The following TBXAS1 variants were observed in gnomAD, a reference collection of about 807,000 sequenced individuals.
TBXAS1 encodes the protein thromboxane-A synthase.
TBXAS1 carries 48 observed loss-of-function variants against 60.7 expected under a neutral mutation model. The observed-to-expected ratio is 0.79, with a 90% confidence interval of 0.63 to 1.01. The LOEUF (loss-of-function observed/expected upper bound fraction) is 1.01. Among genes scored for constraint, TBXAS1 ranks in the 50% least tolerant of loss-of-function variants. The pLI, the probability that TBXAS1 is intolerant of heterozygous loss-of-function variation, is 0.00. For missense variants in TBXAS1, 685 were observed against 686.3 expected (o/e 1.00, Z 0.02); for synonymous variants, 287 against 269.7 (o/e 1.06, Z -0.63).
chr7:139,906,593 A>G (rs1267649457), intron 3 of TBXAS1, among the ~76,000 whole-genome samples: 1 of 152,090 alleles, frequency 6.6e-6, no homozygotes, highest in Non-Finnish European at 1.5e-5. Context: ...AAATTGATTT[A>G]GTTATTTTAA....
intron 1 of TBXAS1, among the ~76,000 whole-genome samples, chr7:139,830,192 G>C (rs1021209732): frequency 2.0e-5 from 3 of 152,170 alleles, no homozygotes; most frequent in African/African-American, 4.8e-5. Context: ...TATTCGCCCT[G>C]TCAGTTAAAC....
At chr7:139,977,760 C>G (rs1471325738) in intron 9 of TBXAS1, among the ~76,000 whole-genome samples, 2 of 152,032 alleles carry the variant, frequency 1.3e-5, no homozygotes, top group Admixed American at 6.5e-5. Flanking sequence ...ATTTGTAGAC[C>G]TGAAAGATGC....
intron 3 of TBXAS1, among the ~76,000 whole-genome samples, chr7:139,901,651 A>T (rs1205811256): frequency 1.3e-5 from 2 of 151,920 alleles, no homozygotes; most frequent in East Asian, 1.9e-4. Context: ...TTAAAATAGG[A>T]GGTGCTTGGG....
chr7:139,974,299 T>TCA, intron 9 of TBXAS1, among the ~76,000 whole-genome samples: 1 of 152,320 alleles, frequency 6.6e-6, no homozygotes, highest in African/African-American at 2.4e-5. Context: ...AAGGCAGTTC[T>TCA]CACCCCTCAC....
At chr7:139,855,404 G>A (rs947322600) in intron 1 of TBXAS1, among the ~76,000 whole-genome samples, 1 of 152,082 alleles carries the variant, frequency 6.6e-6, no homozygotes, top group Non-Finnish European at 1.5e-5. Flanking sequence ...GTTGAAGCCT[G>A]AAGTGTGACT....
intron 1 of TBXAS1, among the ~76,000 whole-genome samples, chr7:139,835,681 G>A (rs1799011426): frequency 1.3e-5 from 2 of 152,056 alleles, no homozygotes; most frequent in African/African-American, 4.8e-5. Flanking sequence ...ATACTGAATG[G>A]GGAAAAGTTG....
intron 1 of TBXAS1, among the ~76,000 whole-genome samples, chr7:139,779,015 A>G (rs1467048522): frequency 1.3e-5 from 2 of 152,188 alleles, no homozygotes; most frequent in African/African-American, 4.8e-5. Flanking sequence ...AATAGAAAAT[A>G]TTAGAGTCCA....
intron 8 of TBXAS1, among the ~76,000 whole-genome samples, chr7:139,959,186 A>C (rs77900743): frequency 0.013 from 2,042 of 152,326 alleles, 48 homozygotes; most frequent in African/African-American, 0.047. Context: ...TATTTGTTTC[A>C]AACAATGAGT....
At chr7:139,894,281 T>A (rs1584787879) in intron 3 of TBXAS1, among the ~76,000 whole-genome samples, 2 of 152,076 alleles carry the variant, frequency 1.3e-5, no homozygotes, top group South Asian at 4.1e-4. Context: ...GTGGCTGGGT[T>A]GGGGTGGTTA....
intron 4 of TBXAS1, among the ~76,000 whole-genome samples, chr7:139,794,055 A>T (rs1044743347): frequency 1.3e-5 from 2 of 151,510 alleles, no homozygotes; most frequent in Non-Finnish European, 2.9e-5. Context: ...GTGCACGTGC[A>T]TGTATATGTG....
chr7:139,853,063 T>G (rs1168919136), intron 1 of TBXAS1, among the ~76,000 whole-genome samples: 1 of 151,984 alleles, frequency 6.6e-6, no homozygotes, highest in Non-Finnish European at 1.5e-5. Flanking sequence ...AGCTGACCCC[T>G]CTGGGCTCAA....
intron 4 of TBXAS1, among the ~76,000 whole-genome samples, chr7:139,926,730 AT>A (rs561388933): frequency 3.4e-5 from 5 of 147,814 alleles, no homozygotes; most frequent in Admixed American, 6.7e-5. Context: ...GTTTATTTGA[AT>A]TTTTTCTACT....
At chr7:139,953,305 G>A (rs1219875953) in intron 5 of TBXAS1, 63 bp from the exon 6 acceptor site, 5 of 1,387,842 alleles carry the variant, frequency 3.6e-6, no homozygotes, top group Non-Finnish European at 4.1e-6. Flanking sequence ...CTCTTCATCT[G>A]CAGCCAATTT....
chr7:139,935,863 T>C (rs1807717585), intron 4 of TBXAS1, among the ~76,000 whole-genome samples: 2 of 152,182 alleles, frequency 1.3e-5, no homozygotes, highest in Non-Finnish European at 2.9e-5. Context: ...GAAGCCTTCC[T>C]TGTTTGTCTT....
At chr7:139,804,880 A>G (rs1277290425) in intron 4 of TBXAS1, among the ~76,000 whole-genome samples, 1 of 152,236 alleles carries the variant, frequency 6.6e-6, no homozygotes, top group Non-Finnish European at 1.5e-5. Flanking sequence ...GTATTTCTTC[A>G]TAGCAGTATG....
intron 5 of TBXAS1, among the ~76,000 whole-genome samples, chr7:139,951,951 AAAGAAAGAAAGAAAGAAAG>A (rs1272977849): frequency 8.8e-5 from 4 of 45,418 alleles, no homozygotes; most frequent in Admixed American, 2.1e-4. Flanking sequence ...GAAAGAAAGA[AAAGAAAGAAAGAAAGAAAG>A]AAAGAAAGAA....
chr7:139,848,643 G>C (rs1799991824), intron 1 of TBXAS1, among the ~76,000 whole-genome samples: 1 of 152,192 alleles, frequency 6.6e-6, no homozygotes, highest in South Asian at 2.1e-4. Flanking sequence ...GCTCCTGACA[G>C]GTCACAGGGA....
chr7:139,931,166 A>G (rs1433911424), intron 4 of TBXAS1, among the ~76,000 whole-genome samples: 2 of 152,126 alleles, frequency 1.3e-5, no homozygotes, highest in African/African-American at 4.8e-5. Flanking sequence ...CCTGACGTTA[A>G]ATGCTCCTCT....
At chr7:139,804,085 A>C (rs938035701) in intron 4 of TBXAS1, among the ~76,000 whole-genome samples, 3 of 152,222 alleles carry the variant, frequency 2.0e-5, no homozygotes, top group African/African-American at 7.2e-5. Flanking sequence ...TACACCAGGA[A>C]AAGCTGCAGA....
Sources: gnomAD v4.1 joint callset for allele counts (sites outside exome capture counted in the v4.1 genomes callset) on GRCh38, gnomAD v4.1.1 for gene constraint, MANE v1.5 for transcripts, NCBI Gene and HGNC (gene_info 2026-07-23, HGNC 2026-07-21) for gene names.